RFWD3: variants seen among roughly 807,000 people sequenced by gnomAD.
RFWD3 encodes the protein ring finger and WD repeat domain 3.
A neutral mutation model predicts 87.7 loss-of-function variants in RFWD3; 65 were observed. The ratio of observed to expected loss-of-function variants is 0.74; its 90% CI spans 0.61 to 0.91. The LOEUF (loss-of-function observed/expected upper bound fraction) is 0.91, where lower values mean the gene tolerates loss of function less well. RFWD3 is among the 40% of genes least tolerant of loss of function. The pLI is 0.00. For missense variants in RFWD3, 1,078 were observed against 938.5 expected, an observed-to-expected ratio of 1.15 and a Z score of -1.94; for synonymous variants, 433 against 352.8, an observed-to-expected ratio of 1.23 and a Z score of -2.55.
intron 9 of RFWD3, 50 bp from the exon 10 acceptor site, chr16:74,631,007 A>T: frequency 6.9e-7 from 1 of 1,451,718 alleles, no homozygotes; most frequent in Non-Finnish European, 9.5e-7. Context: ...AATCAAATAC[A>T]TGACAAAGAT....
intron 4 of RFWD3, among the ~76,000 whole-genome samples, chr16:74,646,313 C>T (rs887400001): frequency 6.6e-6 from 1 of 152,146 alleles, no homozygotes; most frequent in Non-Finnish European, 1.5e-5. Flanking sequence ...GATATTGAGG[C>T]TGCAGTGAGC....
intron 2 of RFWD3, 38 bp from the exon 3 acceptor site, chr16:74,652,160 G>A: frequency 6.4e-7 from 1 of 1,563,038 alleles, no homozygotes; most frequent in Non-Finnish European, 8.8e-7. Flanking sequence ...ATAGTACAAT[G>A]AACTATCATC....
intron 8 of RFWD3, among the ~76,000 whole-genome samples, chr16:74,633,451 T>G (rs570459798): frequency 1.3e-5 from 2 of 151,184 alleles, no homozygotes; most frequent in East Asian, 3.9e-4. Flanking sequence ...TAAAAAGGAA[T>G]TAACTACTAA....
chr16:74,621,993 CAAG>C lies in RFWD3; in HGVS notation c.*1932_*1934del, dbSNP rs1370155576. On this transcript the variant is annotated 3_prime_UTR_variant, in exon 13 of 13. Coordinates refer to ENST00000361070, the MANE Select transcript of RFWD3 (RefSeq NM_018124.4). ...AACATCCAAATTTAATGTACTAATG[CAAG>C]GACTGGTAAGACTTAAGATTCACAT... 6 of 152,168 alleles carry C rather than the reference CAAG, an allele frequency of 3.9e-5. No homozygotes were observed. Among genetic ancestry groups the C allele is most frequent in the Admixed American group, 3.9e-4 (6 of 15,270 alleles). 9.4% of individuals were successfully genotyped at this position (152,168 alleles called of 1,614,324 possible).
chr16:74,665,661 G>A lies in RFWD3; in HGVS notation c.-3+1125C>T, dbSNP rs954930397. The stretch of plus-strand genomic sequence containing the variant: ...GTGGTCCCAGCTATTGCGGGAAGCC[G>A]AGGTGGGAGGATCCCTGGGGCCCGG... On this transcript the variant is annotated intron_variant, in intron 1 of 12. Transcript: ENST00000361070. 4.6e-5 allele frequency among the ~76,000 whole-genome samples: 7 copies of A among 152,354 alleles called. No individual in the cohort carries two copies. In the South Asian group the frequency reaches 1.2e-3, roughly 27 times the overall value.
At chr16:74,630,377 C>G (rs1959056534) in intron 10 of RFWD3, among the ~76,000 whole-genome samples, 2 of 152,166 alleles carry the variant, frequency 1.3e-5, no homozygotes, top group Admixed American at 1.3e-4. Flanking sequence ...GGATTACAGG[C>G]GTAAGCCACC....
chr16:74,625,960 C>T (rs1958919689), intron 12 of RFWD3, among the ~76,000 whole-genome samples: 1 of 152,160 alleles, frequency 6.6e-6, no homozygotes, highest in Non-Finnish European at 1.5e-5. Flanking sequence ...CCAAGGCCGG[C>T]AGATCACTTG....
At chr16:74,628,069 T>C (rs747943641) in intron 11 of RFWD3, among the ~76,000 whole-genome samples, 8 of 152,184 alleles carry the variant, frequency 5.3e-5, no homozygotes, top group Non-Finnish European at 7.4e-5. Context: ...GGCTACTACA[T>C]GGCTGCCCTA....
chr16:74,626,479 C>A lies in RFWD3; in HGVS notation c.2045G>T (p.Cys682Phe). The A allele has an allele frequency of 1.2e-6, 2 of 1,614,150 alleles. No individual in the cohort carries two copies. The highest frequency in any genetic ancestry group is 1.7e-6 in the Non-Finnish European group (2 of 1,180,014). ...AAATGTATGTACAGGCTGGCAGGAG[C>A]AGATTGGATTTCCAGTGTCATCCAG... ...YRLDDTGNPI[C>F]SCQPVHTFFG... Residue 682 changes from cysteine to phenylalanine, a missense_variant, in exon 12 of 13, where the codon TGC becomes TTC. Physicochemically the swap from Cys to Phe is radical, Grantham distance 205. Coordinates refer to ENST00000361070, the MANE Select transcript of RFWD3 (RefSeq NM_018124.4).
At chr16:74,639,331 C>A (rs1278440519) in intron 6 of RFWD3, among the ~76,000 whole-genome samples, 1 of 152,220 alleles carries the variant, frequency 6.6e-6, no homozygotes, top group African/African-American at 2.4e-5. Flanking sequence ...AGCTACTACA[C>A]CCAGTGCGCT....
At chr16:74,661,593 C>T (rs1597460947) in intron 1 of RFWD3, 142 bp from the exon 2 acceptor site, 1 of 791,374 alleles carries the variant, frequency 1.3e-6, no homozygotes, top group Non-Finnish European at 2.0e-6. Flanking sequence ...AAGATTTTAA[C>T]TACTTAAGTC....
At position 74,634,439 on chromosome 16, in the gene RFWD3, CA is replaced by C. The variant is rs537815278; in HGVS notation, c.1427-1767del. ...TCACTCTGTCACCCATGCTAAGGTGCAGTGGCACCATCATGGCTCACAATAG... is the reference window on the plus strand; with the variant it reads ...TCACTCTGTCACCCATGCTAAGGTGCGTGGCACCATCATGGCTCACAATAG... On this transcript the variant is annotated intron_variant, in intron 8 of 12. Transcript: ENST00000361070. Among the ~76,000 whole-genome samples, 46 of 152,138 alleles carry C rather than the reference CA, an allele frequency of 3.0e-4. No individual in the cohort carries two copies. The South Asian group carries it at 9.3e-3, about 31-fold the overall frequency.
chr16:74,649,315 T>G (rs1408710678), intron 3 of RFWD3, 113 bp from the exon 4 acceptor site: 1 of 665,532 alleles, frequency 1.5e-6, no homozygotes, highest in Non-Finnish European at 2.5e-6. Context: ...CATTTCTAAC[T>G]GACAGTGTTC....
At chr16:74,636,913 A>G (rs910105237) in intron 7 of RFWD3, among the ~76,000 whole-genome samples, 3 of 151,818 alleles carry the variant, frequency 2.0e-5, no homozygotes, top group Non-Finnish European at 4.4e-5. Flanking sequence ...GGGTTTTACC[A>G]CGTTGGCCGG....
chr16:74,663,460 G>A (rs889712144), intron 1 of RFWD3, among the ~76,000 whole-genome samples: 1 of 152,166 alleles, frequency 6.6e-6, no homozygotes, highest in African/African-American at 2.4e-5. Flanking sequence ...GGCAACATGA[G>A]GATGACAGGT....
Position 74,636,532 on chromosome 16 carries a change from G to A in RFWD3, c.1240C>T (p.Pro414Ser). ...AGGACCCATGCTTGGGAGCCCCTGG[G>A]TTGCTGTAAATTCTGACTTTGATGT... is the stretch of plus-strand genomic sequence containing the variant. Reference protein sequence around the residue: ...TSHQSQNLQQPRGSQAWVLSC... With the variant: ...TSHQSQNLQQSRGSQAWVLSC... Residue 414 changes from proline (P) to serine (S), a missense_variant, in exon 8 of 13, where the codon CCC becomes TCC. Pro to Ser is a moderately conservative substitution (Grantham distance 74). Coordinates refer to ENST00000361070, the MANE Select transcript of RFWD3 (RefSeq NM_018124.4). 1 of 1,613,942 alleles carries A rather than the reference G, an allele frequency of 6.2e-7. No homozygotes were observed. The highest frequency in any genetic ancestry group is 8.5e-7 in the Non-Finnish European group (1 of 1,180,034).
chr16:74,659,618 G>A (rs1416666727), intron 2 of RFWD3, among the ~76,000 whole-genome samples: 1 of 150,694 alleles, frequency 6.6e-6, no homozygotes, highest in African/African-American at 2.4e-5. Context: ...AAAACCCAGA[G>A]TAATATGCAT....
chr16:74,635,840 G>C (rs1321768279), intron 8 of RFWD3, among the ~76,000 whole-genome samples: 1 of 152,116 alleles, frequency 6.6e-6, no homozygotes. Context: ...TCAACATTTA[G>C]AAAACCTAAA....
At chr16:74,639,833 G>A (rs1959477135) in intron 6 of RFWD3, among the ~76,000 whole-genome samples, 1 of 152,150 alleles carries the variant, frequency 6.6e-6, no homozygotes, top group African/African-American at 2.4e-5. Context: ...AGAGTACAGT[G>A]TCTCCTTATC....
Sources: gnomAD v4.1 joint callset for allele counts (sites outside exome capture counted in the v4.1 genomes callset) on GRCh38, gnomAD v4.1.1 for gene constraint, MANE v1.5 for transcripts, NCBI Gene and HGNC (gene_info 2026-07-23, HGNC 2026-07-21) for gene names.